The following MCC variants were observed in gnomAD, a reference collection of about 807,000 sequenced individuals.
MCC encodes MCC regulator of Wnt signaling pathway, also known as colorectal mutant cancer protein.
In MCC, 90 loss-of-function variants were observed where a neutral mutation model predicts 116.2. That is an observed-to-expected ratio of 0.77 (90% CI 0.65 to 0.92). The LOEUF is 0.92. Ranked by LOEUF, MCC falls within the 40% of genes least tolerant of loss-of-function variation. MCC has a pLI of 0.00. For synonymous variants in MCC, 578 were observed against 510.5 expected, an observed-to-expected ratio of 1.13 and a Z score of -1.78; for missense variants, 1,516 against 1,312.2, an observed-to-expected ratio of 1.16 and a Z score of -2.40.
At position 113,068,082 on chromosome 5, in the gene MCC, G is replaced by A. The variant is rs35269015; in HGVS notation, c.2027C>T (p.Pro676Leu). ...AGAGGGACTCTGGAGACACTTACCA[G>A]GGGAGGACCCCACGCCCGCCGCTCG... ...QFRAAGVGSS[P>L]GDQSGDENIT... Residue 676 changes from proline to leucine, a missense_variant and splice_region_variant, in exon 13 of 19, where the codon CCT (proline) becomes CTT (leucine). Physicochemically the swap from Pro to Leu is moderately conservative, Grantham distance 98. Transcript: ENST00000408903. 0.015 allele frequency: 23,694 copies of A among 1,613,550 alleles called. 235 individuals are homozygous for A. The highest frequency in any genetic ancestry group is 0.017 in the Non-Finnish European group (19,531 of 1,179,452).
At chr5:113,101,580 C>T (rs1232766630) in intron 8 of MCC, 159 bp downstream of exon 8, 9 of 675,108 alleles carry the variant, frequency 1.3e-5, no homozygotes, top group East Asian at 5.4e-5. Context: ...TTAGCAATTT[C>T]GAACTACTTT....
chr5:113,445,506 C>T (rs535806379), intron 1 of MCC, among the ~76,000 whole-genome samples: 1 of 151,938 alleles, frequency 6.6e-6, no homozygotes, highest in Non-Finnish European at 1.5e-5. Context: ...ATAATAGCCA[C>T]ACGAAAAATA....
At chr5:113,377,256 A>T (rs1769010753) in intron 2 of MCC, among the ~76,000 whole-genome samples, 1 of 152,116 alleles carries the variant, frequency 6.6e-6, no homozygotes, top group African/African-American at 2.4e-5. Context: ...CCTAATATAT[A>T]GTACAGAAGG....
chr5:113,446,206 A>G (rs939217732), intron 1 of MCC, among the ~76,000 whole-genome samples: 3 of 152,180 alleles, frequency 2.0e-5, no homozygotes, highest in Non-Finnish European at 4.4e-5. Context: ...ATAATTTACA[A>G]CTAAGTTCTC....
At chr5:113,435,055 G>A (rs1770808730) in intron 1 of MCC, 2 of 571,524 alleles carry the variant, frequency 3.5e-6, no homozygotes, top group Non-Finnish European at 6.2e-6. Context: ...AGTGCCCTGG[G>A]GGAATGAGAC....
intron 3 of MCC, among the ~76,000 whole-genome samples, chr5:113,329,960 T>A (rs531312727): frequency 3.1e-4 from 47 of 152,302 alleles, no homozygotes; most frequent in African/African-American, 1.1e-3. Context: ...TCTAAGTGAC[T>A]TTTGCCTCTG....
chr5:113,074,527 G>A (rs1238629817), intron 11 of MCC, among the ~76,000 whole-genome samples: 1 of 152,084 alleles, frequency 6.6e-6, no homozygotes, highest in Non-Finnish European at 1.5e-5. Flanking sequence ...AAGCTGGACA[G>A]AGAATGACTT....
At chr5:113,047,435 C>T (rs1446574040) in intron 16 of MCC, among the ~76,000 whole-genome samples, 2 of 152,180 alleles carry the variant, frequency 1.3e-5, no homozygotes, top group African/African-American at 4.8e-5. Context: ...TGTCTTGGCT[C>T]CTCAGCAAGT....
At chr5:113,237,490 G>A (rs1283398156) in intron 3 of MCC, among the ~76,000 whole-genome samples, 1 of 152,150 alleles carries the variant, frequency 6.6e-6, no homozygotes, top group Non-Finnish European at 1.5e-5. Context: ...AAAATGGCAA[G>A]CCAGGAGAAT....
chr5:113,230,682 T>C (rs1763907584), intron 3 of MCC, among the ~76,000 whole-genome samples: 1 of 152,190 alleles, frequency 6.6e-6, no homozygotes. Flanking sequence ...ATTTGGAGGA[T>C]ACAAGTTAAT....
In MCC at chr5:113,142,307, A is replaced by AAGGT. The variant is rs746216636; in HGVS notation, c.884+907_884+910dup. On this transcript the variant is annotated intron_variant, in intron 5 of 18. Coordinates refer to ENST00000408903, the MANE Select transcript of MCC (RefSeq NM_001085377.2). ...GTGAACAAAGCGCTCTTTCTCCAAA[A>AAGGT]AGGTAGGTGCCAGCCACTTGCTGTC... 6.6e-4 allele frequency among the ~76,000 whole-genome samples: 101 copies of AAGGT among 152,000 alleles called. 3 individuals carry two copies. Among genetic ancestry groups the AAGGT allele is most frequent in the Non-Finnish European group, 1.2e-3 (84 of 67,852 alleles).
At chr5:113,170,058 T>A (rs1760993704) in intron 3 of MCC, among the ~76,000 whole-genome samples, 1 of 152,182 alleles carries the variant, frequency 6.6e-6, no homozygotes, top group Non-Finnish European at 1.5e-5. Context: ...ACCCCACACA[T>A]CTAAGCTCCA....
chr5:113,258,216 T>C (rs1765092067), intron 3 of MCC, among the ~76,000 whole-genome samples: 2 of 152,230 alleles, frequency 1.3e-5, no homozygotes, highest in African/African-American at 4.8e-5. Context: ...AAACATTGTA[T>C]ATAATAACAT....
In MCC at chr5:113,458,148, G is replaced by A. The variant is rs1361558474; in HGVS notation, c.170+30097C>T. Among the ~76,000 whole-genome samples, 4 of 152,180 alleles carry A rather than the reference G, an allele frequency of 2.6e-5. No homozygotes were observed. The East Asian group carries it at 7.7e-4, about 29-fold the overall frequency. ...GAGCTAGCAGTGGCAACCCACTACG[G>A]TCCCCTTCCACACTGTGGAAGCTTT... is the stretch of plus-strand genomic sequence containing the variant. On this transcript the variant is annotated intron_variant, in intron 1 of 18. Transcript: ENST00000408903.
intron 1 of MCC, among the ~76,000 whole-genome samples, chr5:113,482,144 A>T (rs1772396742): frequency 6.6e-6 from 1 of 152,194 alleles, no homozygotes; most frequent in South Asian, 2.1e-4. Flanking sequence ...GATACATCAC[A>T]TCTTGTTTAT....
chr5:113,203,170 G>C (rs1165818983), intron 3 of MCC: 1 of 152,108 alleles, frequency 6.6e-6, no homozygotes, highest in South Asian at 2.1e-4. Flanking sequence ...AACTACCCAG[G>C]GGCCTGAACC....
intron 1 of MCC, among the ~76,000 whole-genome samples, chr5:113,471,009 G>A (rs376721092): frequency 1.7e-4 from 26 of 152,146 alleles, no homozygotes; most frequent in Non-Finnish European, 2.8e-4. Context: ...CGTAGCTCTC[G>A]TGCCTTGGTT....
At chr5:113,147,092 G>A (rs574608046) in intron 4 of MCC, among the ~76,000 whole-genome samples, 6 of 152,226 alleles carry the variant, frequency 3.9e-5, no homozygotes, top group African/African-American at 1.2e-4. Flanking sequence ...ATACATACCC[G>A]GAGTTTCTTC....
chr5:113,488,287 A>G lies in MCC; in HGVS notation c.128T>C (p.Leu43Pro), dbSNP rs1772605027. ...CCCGTCGCCGTCGCACGTCTGGAAG[A>G]GGCGCCGCATCCTCTCCTCCTCGCC... Reference protein sequence around the residue: ...STGEEERMRRLFQTCDGDGDG... With the variant: ...STGEEERMRRPFQTCDGDGDG... The change falls in exon 1 of 19, where the codon CTC becomes CCC. Residue 43 changes from leucine (L) to proline (P), a missense_variant. Transcript: ENST00000408903. 6.3e-7 allele frequency: 1 copy of G among 1,595,386 alleles called. No individual in the cohort carries two copies.
Sources: gnomAD v4.1 joint callset for allele counts (sites outside exome capture counted in the v4.1 genomes callset) on GRCh38, gnomAD v4.1.1 for gene constraint, MANE v1.5 for transcripts, NCBI Gene and HGNC (gene_info 2026-07-23, HGNC 2026-07-21) for gene names.